The following TP53BP1 variants were observed in gnomAD, a reference collection of about 807,000 sequenced individuals.
TP53BP1 encodes TP53-binding protein 1.
In TP53BP1, 61 loss-of-function variants were observed where a neutral mutation model predicts 200.8. The observed-to-expected ratio is 0.30, with a 90% CI of 0.25 to 0.38. TP53BP1 has a LOEUF of 0.38. Among genes scored for constraint, TP53BP1 ranks in the 10% least tolerant of loss-of-function variants. TP53BP1 has a pLI of 1.00. For missense variants in TP53BP1, 2,144 were observed against 2,371.9 expected, an observed-to-expected ratio of 0.90 and a Z score of 2.00; for synonymous variants, 822 against 844.3, an observed-to-expected ratio of 0.97 and a Z score of 0.46.
chr15:43,464,192 G>C (rs531495921), intron 11 of TP53BP1, among the ~76,000 whole-genome samples: 1 of 152,216 alleles, frequency 6.6e-6, no homozygotes, highest in East Asian at 1.9e-4. Context: ...GACATCTGAG[G>C]AAAGCCTCTA....
upstream of TP53BP1, among the ~76,000 whole-genome samples, chr15:43,495,533 A>ACACACACACACAC (rs56809321): frequency 4.2e-5 from 6 of 143,156 alleles, no homozygotes; most frequent in African/African-American, 1.3e-4. Context: ...ACACACACAC[A>ACACACACACACAC]AAAGCCAGGT....
chr15:43,488,926 C>A (rs1049958190), intron 4 of TP53BP1, among the ~76,000 whole-genome samples: 5 of 152,134 alleles, frequency 3.3e-5, no homozygotes, highest in African/African-American at 1.2e-4. Flanking sequence ...AGATTTCATT[C>A]TTTTGGAATC....
At position 43,432,772 on chromosome 15, in the gene TP53BP1, G is replaced by C. The variant is rs1039221956; in HGVS notation, c.3192-95C>G. On this transcript the variant is annotated intron_variant, in intron 16 of 27. Transcript: ENST00000382044. ...GTGCATGTGTGTGTGTAGTGGCAAG[G>C]GGGGAGCCATATTTTGACAATTTGA... 10 of 1,345,108 alleles carry C rather than the reference G, an allele frequency of 7.4e-6. No homozygotes were observed. The East Asian group carries it at 1.4e-4, about 19-fold the overall frequency. 83.3% of individuals were successfully genotyped at this position (1,345,108 alleles called of 1,614,324 possible). A position where few individuals can be genotyped will look rare whatever the true frequency, so the allele number is the denominator to read the frequency against.
rs778816014 is a variant in TP53BP1 at position 43,477,736 on chromosome 15, G to C, written c.812C>G (p.Pro271Arg). Residue 271 changes from proline to arginine, a missense_variant, in exon 8 of 28, where the codon CCC (proline) becomes CGC (arginine). Pro to Arg is a moderately radical substitution (Grantham distance 103). Coordinates refer to ENST00000382044, the MANE Select transcript of TP53BP1 (RefSeq NM_001141980.3). ...PARSEDMPFS[P>R]KASVAAMEAK... is the part of the protein sequence containing the mutation. ...TTCCATAGCAGCAACAGATGCTTTGGGGCTAAAAGGCATGTCCTCTGACCT... is the reference window on the plus strand; with the variant it reads ...TTCCATAGCAGCAACAGATGCTTTGCGGCTAAAAGGCATGTCCTCTGACCT... 1 of 1,609,822 alleles carries C rather than the reference G, an allele frequency of 6.2e-7. No homozygotes were observed.
chr15:43,479,346 G>A (rs752926956), intron 7 of TP53BP1, 51 bp downstream of exon 7: 1 of 1,536,844 alleles, frequency 6.5e-7, no homozygotes, highest in Non-Finnish European at 8.8e-7. Flanking sequence ...AATGACATTA[G>A]TATAACCCTA....
At chr15:43,492,718 C>G (rs934143030) in intron 1 of TP53BP1, among the ~76,000 whole-genome samples, 5 of 151,814 alleles carry the variant, frequency 3.3e-5, no homozygotes, top group Non-Finnish European at 7.4e-5. Flanking sequence ...CGTAGACACC[C>G]TTTCCCCTCC....
intron 1 of TP53BP1, among the ~76,000 whole-genome samples, chr15:43,502,303 A>AAC: frequency 6.6e-6 from 1 of 152,184 alleles, no homozygotes; most frequent in Non-Finnish European, 1.5e-5. Flanking sequence ...CAGCCTGGGC[A>AAC]ACACAGCAAG....
At chr15:43,487,530 C>A (rs1024000001) in intron 4 of TP53BP1, among the ~76,000 whole-genome samples, 7 of 152,128 alleles carry the variant, frequency 4.6e-5, no homozygotes, top group Non-Finnish European at 7.3e-5. Context: ...CAGTGACTCA[C>A]ACCTATAATC....
At position 43,413,508 on chromosome 15, in the gene TP53BP1, C is replaced by T. The variant is rs144090511; in HGVS notation, c.5090-174G>A. Among the ~76,000 whole-genome samples the T allele has an allele frequency of 7.2e-5, 11 of 152,128 alleles. No individual in the cohort carries two copies. The South Asian group carries it at 1.9e-3, about 26-fold the overall frequency. On this transcript the variant is annotated intron_variant, in intron 23 of 27. Transcript: ENST00000382044. The stretch of plus-strand genomic sequence containing the variant: ...CCAATGGCCAACCATTCTAAATGGC[C>T]GACAGCCTAGGATAAAATTTACAAC...
intron 16 of TP53BP1, among the ~76,000 whole-genome samples, chr15:43,436,747 C>T (rs549646831): frequency 1.3e-5 from 2 of 151,878 alleles, no homozygotes; most frequent in South Asian, 4.2e-4. Context: ...CCTCCAAGTG[C>T]TGGGATTACA....
rs746342979 is a variant in TP53BP1 at position 43,432,184 on chromosome 15, G to A, written c.3675+10C>T. The A allele has an allele frequency of 6.2e-7, 1 of 1,611,748 alleles. No homozygotes were observed. Among genetic ancestry groups the A allele is most frequent in the South Asian group, 1.1e-5 (1 of 90,870 alleles). The stretch of plus-strand genomic sequence containing the variant: ...CAAGGCCTCTGATGCACCCTAGTAT[G>A]TTCTCTCACCTGGCTATGGAGCGAC... On this transcript the variant is annotated intron_variant, in intron 17 of 27. Transcript: ENST00000382044.
chr15:43,494,743 T>G (rs915589754), upstream of TP53BP1, among the ~76,000 whole-genome samples: 1 of 152,132 alleles, frequency 6.6e-6, no homozygotes, highest in Non-Finnish European at 1.5e-5. Flanking sequence ...ACCAACCAGG[T>G]CCTGTTATGA....
intron 18 of TP53BP1, among the ~76,000 whole-genome samples, chr15:43,423,682 G>T (rs2045459592): frequency 6.6e-6 from 1 of 151,722 alleles, no homozygotes; most frequent in African/African-American, 2.4e-5. Flanking sequence ...ATCCCCATGG[G>T]GAGACTGTAT....
intron 25 of TP53BP1, 137 bp from the exon 26 acceptor site, chr15:43,409,233 C>A: frequency 1.4e-6 from 1 of 733,226 alleles, no homozygotes; most frequent in Non-Finnish European, 2.3e-6. Context: ...CTATCCTGCC[C>A]AAGGCCACTC....
intron 9 of TP53BP1, 133 bp from the exon 10 acceptor site, chr15:43,474,900 C>T: frequency 1.7e-6 from 1 of 575,906 alleles, no homozygotes; most frequent in Non-Finnish European, 3.0e-6. Context: ...TTTTCCCCAA[C>T]AGCAACCTGA....
chr15:43,499,347 A>AC (rs1403970294), intron 1 of TP53BP1, among the ~76,000 whole-genome samples: 1 of 152,290 alleles, frequency 6.6e-6, no homozygotes, highest in East Asian at 1.9e-4. Context: ...TAATCTGTAC[A>AC]CCAAACCCCG....
At chr15:43,449,720 A>G (rs1165709066) in intron 12 of TP53BP1, among the ~76,000 whole-genome samples, 4 of 152,164 alleles carry the variant, frequency 2.6e-5, no homozygotes, top group Non-Finnish European at 5.9e-5. Flanking sequence ...CAGCCTTCCT[A>G]GAAAACATGG....
intron 11 of TP53BP1, among the ~76,000 whole-genome samples, chr15:43,469,217 C>A (rs1315744581): frequency 6.6e-6 from 1 of 151,952 alleles, no homozygotes; most frequent in Non-Finnish European, 1.5e-5. Context: ...TAAAATTATA[C>A]AAATTAATAG....
At chr15:43,473,282 G>A (rs1210551547) in intron 10 of TP53BP1, among the ~76,000 whole-genome samples, 1 of 152,166 alleles carries the variant, frequency 6.6e-6, no homozygotes, top group Non-Finnish European at 1.5e-5. Flanking sequence ...GGCTCGGGCA[G>A]CCTGCTTTTA....
Sources: allele counts gnomAD v4.1 joint callset (sites outside exome capture counted in the v4.1 genomes callset), GRCh38; gene constraint gnomAD v4.1.1; transcripts MANE v1.5; gene names NCBI Gene and HGNC (gene_info 2026-07-23, HGNC 2026-07-21).